KDM4B: variants seen among roughly 807,000 people sequenced by gnomAD.
The protein encoded by KDM4B is lysine-specific demethylase 4B.
In KDM4B, 32 loss-of-function variants were observed where a neutral mutation model predicts 125.2. The ratio of observed to expected loss-of-function variants is 0.26; its 90% CI spans 0.19 to 0.34. The LOEUF is 0.34. Among genes scored for constraint, KDM4B ranks in the 10% least tolerant of loss-of-function variants. The pLI, the probability that KDM4B is intolerant of heterozygous loss-of-function variation, is 1.00. For synonymous variants in KDM4B, 721 were observed against 677.9 expected, an observed-to-expected ratio of 1.06 and a Z score of -0.99; for missense variants, 1,190 against 1,577.7, an observed-to-expected ratio of 0.75 and a Z score of 4.16.
At position 4,986,863 on chromosome 19, in the gene KDM4B, C is replaced by T. The variant is rs559168141; in HGVS notation, c.-109+17633C>T. ...AGAGAGGACTGCAGGGGCACAGAGG[C>T]CGGAGCAGCAGTGCCTGCTGCCTAG... On this transcript the variant is annotated intron_variant, in intron 1 of 22. Transcript: ENST00000159111. Among the ~76,000 whole-genome samples, 19 of 152,354 alleles carry T rather than the reference C, an allele frequency of 1.2e-4. No homozygotes were observed. In the East Asian group the frequency reaches 3.7e-3, roughly 29 times the overall value.
chr19:5,021,536 G>A (rs535450712), intron 2 of KDM4B, among the ~76,000 whole-genome samples: 81 of 152,068 alleles, frequency 5.3e-4, no homozygotes, highest in Non-Finnish European at 9.0e-4. Context: ...TTGTGCCACC[G>A]CACTCCAGCC....
chr19:5,035,945 G>C lies in KDM4B; in HGVS notation c.141+2914G>C, dbSNP rs2036612685. On this transcript the variant is annotated intron_variant, in intron 3 of 22. Transcript: ENST00000159111. The surrounding 1 kb of genome is among the most constrained non-coding windows in gnomAD (Gnocchi z 5.3). ...GGGGAGGCAGCTCTCACACAGCCCA[G>C]AGAGCTTGGCAGCTGCAGAGTCACG... 6.6e-6 allele frequency among the ~76,000 whole-genome samples: 1 copy of C among 151,982 alleles called. No individual in the cohort carries two copies. The highest frequency in any genetic ancestry group is 1.5e-5 in the Non-Finnish European group (1 of 67,986).
chr19:5,067,989 G>C (rs1387460676), intron 6 of KDM4B, among the ~76,000 whole-genome samples: 1 of 152,186 alleles, frequency 6.6e-6, no homozygotes. Context: ...AACCTGACTT[G>C]GTTTTACAGC....
intron 9 of KDM4B, among the ~76,000 whole-genome samples, chr19:5,084,492 A>T (rs2038413573): frequency 7.6e-6 from 1 of 130,836 alleles, no homozygotes; most frequent in African/African-American, 2.9e-5. Context: ...TATATATGTT[A>T]TAATTTATAT....
At chr19:5,112,804 T>C (rs2039176051) in intron 10 of KDM4B, 1 of 152,664 alleles carries the variant, frequency 6.6e-6, no homozygotes, top group African/African-American at 2.4e-5. Context: ...TTCTGTCCTT[T>C]TGATTTCCTG....
At chr19:5,130,107 T>G (rs1267792266) in intron 11 of KDM4B, among the ~76,000 whole-genome samples, 1 of 152,036 alleles carries the variant, frequency 6.6e-6, no homozygotes. Context: ...CGCAGCCTCT[T>G]CCAGTCTCTC....
intron 11 of KDM4B, among the ~76,000 whole-genome samples, chr19:5,123,405 C>T (rs1293901252): frequency 6.6e-6 from 1 of 152,224 alleles, no homozygotes; most frequent in East Asian, 1.9e-4. Flanking sequence ...TTCCCGTGTT[C>T]TCCCGGAGTG....
chr19:5,033,077 C>T (rs368884094), intron 3 of KDM4B, 46 bp downstream of exon 3: 202 of 1,596,390 alleles, frequency 1.3e-4, no homozygotes, highest in Non-Finnish European at 1.6e-4. Flanking sequence ...CAGCCTGCGC[C>T]GCGGGCCTGC....
At chr19:5,057,326 A>G (rs968951430) in intron 6 of KDM4B, among the ~76,000 whole-genome samples, 5 of 151,932 alleles carry the variant, frequency 3.3e-5, no homozygotes, top group African/African-American at 9.7e-5. Context: ...TTTCTGCTCA[A>G]TGGTGTGTGT....
intron 9 of KDM4B, among the ~76,000 whole-genome samples, chr19:5,102,345 C>T (rs528519969): frequency 2.0e-5 from 3 of 152,334 alleles, no homozygotes; most frequent in African/African-American, 7.2e-5. Flanking sequence ...GCGTGGCCTC[C>T]TTCCTGCAGT....
At chr19:5,056,122 C>T (rs535459616) in intron 6 of KDM4B, among the ~76,000 whole-genome samples, 1 of 151,006 alleles carries the variant, frequency 6.6e-6, no homozygotes, top group Non-Finnish European at 1.5e-5. Flanking sequence ...ATAGAACGTC[C>T]CCTAATCTGT....
chr19:5,026,232 C>A (rs932149962), intron 2 of KDM4B, among the ~76,000 whole-genome samples: 1 of 149,998 alleles, frequency 6.7e-6, no homozygotes, highest in Non-Finnish European at 1.5e-5. Flanking sequence ...CCTCTGCGGT[C>A]CCCCAGCCAG....
intron 9 of KDM4B, among the ~76,000 whole-genome samples, chr19:5,105,482 G>A (rs2039017436): frequency 6.6e-6 from 1 of 152,226 alleles, no homozygotes; most frequent in Admixed American, 6.5e-5. Context: ...GCCCGGGCTG[G>A]AGTGCTGTGG....
At chr19:5,054,782 C>G (rs2037345095) in intron 6 of KDM4B, among the ~76,000 whole-genome samples, 1 of 152,202 alleles carries the variant, frequency 6.6e-6, no homozygotes, top group Non-Finnish European at 1.5e-5. Flanking sequence ...AGGGCCGGCA[C>G]ATGGGAGCTA....
chr19:5,100,376 C>T (rs1374832124), intron 9 of KDM4B, among the ~76,000 whole-genome samples: 1 of 152,212 alleles, frequency 6.6e-6, no homozygotes, highest in Admixed American at 6.5e-5. Context: ...ATCTTCCCCA[C>T]CTCCGTTTTC....
At position 4,987,155 on chromosome 19, in the gene KDM4B, C is replaced by T. The variant is rs563649517; in HGVS notation, c.-109+17925C>T. ...TATATTTTTAGTAGAGATGGGGTTTCGCCATGTTGCCCAGTCTGGTCTCAA... is the reference window on the plus strand; with the variant it reads ...TATATTTTTAGTAGAGATGGGGTTTTGCCATGTTGCCCAGTCTGGTCTCAA... On this transcript the variant is annotated intron_variant, in intron 1 of 22. Coordinates refer to ENST00000159111, the MANE Select transcript of KDM4B (RefSeq NM_015015.3). 1.7e-3 allele frequency among the ~76,000 whole-genome samples: 256 copies of T among 152,124 alleles called. 1 individual carries two copies. Among genetic ancestry groups the T allele is most frequent in the Admixed American group, 5.6e-3 (86 of 15,280 alleles).
chr19:5,056,002 C>G (rs1033619831), intron 6 of KDM4B, among the ~76,000 whole-genome samples: 3 of 152,310 alleles, frequency 2.0e-5, no homozygotes, highest in East Asian at 3.9e-4. Flanking sequence ...TTTCTGTCCC[C>G]TGAACCCATC....
intron 9 of KDM4B, among the ~76,000 whole-genome samples, chr19:5,090,395 T>C (rs1289079754): frequency 3.7e-4 from 9 of 24,048 alleles, no homozygotes; most frequent in African/African-American, 7.1e-4. Context: ...TCTCTCCCCC[T>C]CTCTCTCTCT....
chr19:5,129,792 A>C (rs1023878950), intron 11 of KDM4B, among the ~76,000 whole-genome samples: 1 of 152,198 alleles, frequency 6.6e-6, no homozygotes, highest in African/African-American at 2.4e-5. Flanking sequence ...TGGAGCAGGC[A>C]GGGCCCCAGG....
Sources: gnomAD v4.1 joint callset for allele counts (sites outside exome capture counted in the v4.1 genomes callset) on GRCh38, gnomAD v4.1.1 for gene constraint, Gnocchi (gnomAD v3.1) non-coding constraint, MANE v1.5 for transcripts, NCBI Gene and HGNC (gene_info 2026-07-23, HGNC 2026-07-21) for gene names.